SLC12A3: variants seen among roughly 807,000 people sequenced by gnomAD.
SLC12A3 encodes the protein Na-Cl cotransporter.
Under a neutral mutation model 121.0 loss-of-function variants are expected in SLC12A3, and 104 were observed. The ratio of observed to expected loss-of-function variants is 0.86; its 90% CI spans 0.73 to 1.01. SLC12A3 has a LOEUF of 1.01. Among genes scored for constraint, SLC12A3 ranks in the 50% least tolerant of loss-of-function variants. The pLI is 0.00. For missense variants in SLC12A3, 1,328 were observed against 1,356.3 expected, an observed-to-expected ratio of 0.98 and a Z score of 0.33; for synonymous variants, 536 against 533.4, an observed-to-expected ratio of 1.00 and a Z score of -0.07.
intron 8 of SLC12A3, among the ~76,000 whole-genome samples, chr16:56,873,472 C>T (rs1345206085): frequency 4.1e-5 from 6 of 146,666 alleles, no homozygotes; most frequent in Non-Finnish European, 8.9e-5. Flanking sequence ...CTGCAACCTC[C>T]GCCTCCCGGG....
At chr16:56,869,693 G>A (rs771974577) in intron 3 of SLC12A3, 36 bp from the exon 4 acceptor site, 2 of 1,583,740 alleles carry the variant, frequency 1.3e-6, no homozygotes, top group Non-Finnish European at 1.7e-6. Context: ...CCTCCCTTGG[G>A]AAATGCCCTG....
At chr16:56,883,688 T>A (rs562797794) in intron 13 of SLC12A3, among the ~76,000 whole-genome samples, 1 of 152,330 alleles carries the variant, frequency 6.6e-6, no homozygotes, top group African/African-American at 2.4e-5. Context: ...CTGTCACTAG[T>A]GGCAGCCCTG....
At chr16:56,871,671 G>C (rs1270797105) in intron 6 of SLC12A3, among the ~76,000 whole-genome samples, 3 of 152,176 alleles carry the variant, frequency 2.0e-5, no homozygotes, top group Non-Finnish European at 4.4e-5. Context: ...AGGTCATCCT[G>C]CTAAATGAGC....
chr16:56,909,961 T>C (rs1024684435), intron 25 of SLC12A3, among the ~76,000 whole-genome samples: 1 of 152,202 alleles, frequency 6.6e-6, no homozygotes, highest in Non-Finnish European at 1.5e-5. Flanking sequence ...TGAGCTCAGC[T>C]ACCCCAGCAC....
chr16:56,880,212 A>G lies in SLC12A3; in HGVS notation c.1526A>G (p.Tyr509Cys), dbSNP rs764553900. 8.2e-6 allele frequency: 13 copies of G among 1,592,200 alleles called. No individual in the cohort carries two copies. Among genetic ancestry groups the G allele is most frequent in the Admixed American group, 3.6e-5 (2 of 55,908 alleles). ...AAGAACAAGGAGCCCGTGCGTGGCT[A>G]CCTGCTGGCCTACGCCATCGCTGTG... Reference protein sequence around the residue: ...YGKNKEPVRGYLLAYAIAVAF... With the variant: ...YGKNKEPVRGCLLAYAIAVAF... The change falls in exon 12 of 26, where the codon TAC becomes TGC. Residue 509 changes from tyrosine (Y) to cysteine (C), a missense_variant. Coordinates refer to ENST00000563236, the MANE Select transcript of SLC12A3 (RefSeq NM_001126108.2).
chr16:56,888,719 C>A (rs372377380), intron 18 of SLC12A3, among the ~76,000 whole-genome samples: 1 of 151,784 alleles, frequency 6.6e-6, no homozygotes, highest in African/African-American at 2.4e-5. Context: ...CCACCACGCC[C>A]GGCTAATTTT....
In SLC12A3 at chr16:56,899,600, A is replaced by G; in HGVS notation, c.2704A>G (p.Asn902Asp). 1 of 1,614,010 alleles carries G rather than the reference A, an allele frequency of 6.2e-7. No individual in the cohort carries two copies. Among genetic ancestry groups the G allele is most frequent in the Non-Finnish European group, 8.5e-7 (1 of 1,179,818 alleles). The change falls in exon 23 of 26, where the codon AAC becomes GAC. Residue 902 changes from asparagine (N) to aspartate (D), a missense_variant. Coordinates refer to ENST00000563236, the MANE Select transcript of SLC12A3 (RefSeq NM_001126108.2). The stretch of plus-strand genomic sequence containing the variant: ...CCACATCCTCCCTGACATCAACCAG[A>G]ACCCTCGGGCTGAGCAGTAAGTTCT... ...EVHILPDINQNPRAEHTKRFE... is the reference protein window; with the variant it reads ...EVHILPDINQDPRAEHTKRFE...
Position 56,894,673 on chromosome 16 carries a change from T to A in SLC12A3, c.2633+31T>A, listed in dbSNP as rs777633506. ...TGTGGAGGGCTGGCCTGGGGGTGAC[T>A]GCAGGGACCAGTGTCATCTTAGCTC... On this transcript the variant is annotated intron_variant, in intron 22 of 25. Transcript: ENST00000563236. The A allele has an allele frequency of 1.7e-5, 26 of 1,528,868 alleles. No homozygotes were observed. The South Asian group carries it at 2.9e-4, about 17-fold the overall frequency. 94.7% of individuals were successfully genotyped at this position (1,528,868 alleles called of 1,614,324 possible).
Position 56,872,577 on chromosome 16 carries a change from G to C in SLC12A3, c.965-79G>C, listed in dbSNP as rs35516802. ...GGGATTACCCAATCCCATGGTCAGGGGCTGCCTGCCCAGTGGGTCCCAGCA... is the reference window on the plus strand; with the variant it reads ...GGGATTACCCAATCCCATGGTCAGGCGCTGCCTGCCCAGTGGGTCCCAGCA... On this transcript the variant is annotated intron_variant, in intron 7 of 25. Coordinates refer to ENST00000563236, the MANE Select transcript of SLC12A3 (RefSeq NM_001126108.2). The C allele has an allele frequency of 2.7e-3, 4,329 of 1,606,360 alleles. 102 individuals are homozygous for C. In the African/African-American group the frequency reaches 0.05, roughly 18 times the overall value.
intron 23 of SLC12A3, among the ~76,000 whole-genome samples, chr16:56,899,930 C>T (rs572667056): frequency 1.4e-4 from 22 of 152,354 alleles, no homozygotes; most frequent in African/African-American, 5.3e-4. Context: ...GGCAAGAGCA[C>T]AGATTTTAAG....
chr16:56,909,862 G>T (rs1192332950), intron 25 of SLC12A3, among the ~76,000 whole-genome samples: 1 of 152,040 alleles, frequency 6.6e-6, no homozygotes, highest in African/African-American at 2.4e-5. Flanking sequence ...CTGGGAGAGC[G>T]TGCTTGGAGC....
intron 12 of SLC12A3, among the ~76,000 whole-genome samples, chr16:56,881,255 C>G (rs1294269666): frequency 6.6e-6 from 1 of 152,214 alleles, no homozygotes; most frequent in African/African-American, 2.4e-5. Flanking sequence ...AGCCTAGTCA[C>G]TATTACCCAA....
Position 56,906,361 on chromosome 16 carries a change from C to T in SLC12A3, c.2924+1899C>T, listed in dbSNP as rs184022330. ...TCAGACTGAAAATGGCCAATGGCTT[C>T]TAGCAGATGAGTAGATAAAGCTTGA... is the stretch of plus-strand genomic sequence containing the variant. On this transcript the variant is annotated intron_variant, in intron 25 of 25. Coordinates refer to ENST00000563236, the MANE Select transcript of SLC12A3 (RefSeq NM_001126108.2). 2.7e-3 allele frequency among the ~76,000 whole-genome samples: 415 copies of T among 152,280 alleles called. 7 individuals carry two copies. The Middle Eastern group carries it at 0.058, about 21-fold the overall frequency.
Position 56,904,610 on chromosome 16 carries a change from C to T in SLC12A3, c.2924+148C>T, listed in dbSNP as rs2289114. The T allele has an allele frequency of 0.22, 168,627 of 756,774 alleles. 21,299 individuals carry two copies. Among genetic ancestry groups the T allele is most frequent in the African/African-American group, 0.48 (27,563 of 57,816 alleles). The allele number at this position is 756,774 out of a possible 1,614,324, so 46.9% of individuals were successfully genotyped here. ...AAAGTTCCCATAAACATAGCCCTGG[C>T]GATTCTTAGCATGTGGCTGGGCCTG... On this transcript the variant is annotated intron_variant, in intron 25 of 25. Coordinates refer to ENST00000563236, the MANE Select transcript of SLC12A3 (RefSeq NM_001126108.2).
In SLC12A3 at chr16:56,906,602, G is replaced by C. The variant is rs1297291798; in HGVS notation, c.2924+2140G>C. ...ACTGACTACTTCAGAGGAAACAAATGGTCGTCTATGTCCTTCACCCTGGGA... is the reference window on the plus strand; with the variant it reads ...ACTGACTACTTCAGAGGAAACAAATCGTCGTCTATGTCCTTCACCCTGGGA... On this transcript the variant is annotated intron_variant, in intron 25 of 25. Transcript: ENST00000563236. The C allele has an allele frequency of 3.5e-5, 12 of 338,190 alleles. No individual in the cohort carries two copies. In the South Asian group the frequency reaches 4.6e-4, roughly 13 times the overall value. The allele number at this position is 338,190 out of a possible 1,614,324, so 20.9% of individuals were successfully genotyped here.
intron 16 of SLC12A3, 65 bp downstream of exon 16, chr16:56,886,540 T>C: frequency 1.4e-6 from 2 of 1,415,698 alleles, no homozygotes; most frequent in African/African-American, 2.8e-5. Flanking sequence ...AACCCAGCAC[T>C]CTGGGGAGCC....
At chr16:56,883,091 G>A (rs2144720789) in intron 13 of SLC12A3, among the ~76,000 whole-genome samples, 1 of 152,176 alleles carries the variant, frequency 6.6e-6, no homozygotes, top group East Asian at 1.9e-4. Context: ...GGAATCAGGA[G>A]CCTGGTTCTT....
chr16:56,907,024 C>G (rs1225434334), intron 25 of SLC12A3: 1 of 205,102 alleles, frequency 4.9e-6, no homozygotes, highest in Non-Finnish European at 9.7e-6. Flanking sequence ...ACTAAAAACT[C>G]TCACATGAAA....
chr16:56,902,525 G>A lies in SLC12A3; in HGVS notation c.2856+17G>A. The A allele has an allele frequency of 1.9e-6, 3 of 1,578,046 alleles. No homozygotes were observed. The highest frequency in any genetic ancestry group is 2.6e-6 in the Non-Finnish European group (3 of 1,151,996). On this transcript the variant is annotated intron_variant, in intron 24 of 25. Coordinates refer to ENST00000563236, the MANE Select transcript of SLC12A3 (RefSeq NM_001126108.2). The stretch of plus-strand genomic sequence containing the variant: ...AGAGTCAAGGTGCAGAGAGGGGTGG[G>A]GGTGGGAAACGCGACACATCACTGG...
Sources: gnomAD v4.1 joint callset for allele counts (sites outside exome capture counted in the v4.1 genomes callset) on GRCh38, gnomAD v4.1.1 for gene constraint, MANE v1.5 for transcripts, NCBI Gene and HGNC (gene_info 2026-07-23, HGNC 2026-07-21) for gene names.